OGDH: variants seen among roughly 807,000 people sequenced by gnomAD.
OGDH encodes the protein 2-oxoglutarate dehydrogenase complex component E1.
In OGDH, 38 loss-of-function variants were observed where a neutral mutation model predicts 116.6. The ratio of observed to expected loss-of-function variants is 0.33; its 90% CI spans 0.25 to 0.43. The LOEUF is 0.43. Among genes scored for constraint, OGDH ranks in the 20% least tolerant of loss-of-function variants. OGDH has a pLI of 1.00. For missense variants in OGDH, 825 were observed against 1,357.2 expected (o/e 0.61, Z 6.16); for synonymous variants, 488 against 533.3 (o/e 0.92, Z 1.17).
At chr7:44,670,656 T>TTG (rs1231763552) in intron 5 of OGDH, among the ~76,000 whole-genome samples, 7 of 152,246 alleles carry the variant, frequency 4.6e-5, no homozygotes, top group Non-Finnish European at 7.3e-5. Flanking sequence ...CACCCTCTTC[T>TTG]TGTATTTTTT....
intron 8 of OGDH, 99 bp from the exon 9 acceptor site, chr7:44,675,871 C>T: frequency 8.0e-7 from 1 of 1,255,060 alleles, no homozygotes; most frequent in South Asian, 1.4e-5. Flanking sequence ...GAGCGAAACT[C>T]CATCTCAAAA....
chr7:44,644,798 C>T (rs1786096068), intron 2 of OGDH, among the ~76,000 whole-genome samples: 1 of 152,184 alleles, frequency 6.6e-6, no homozygotes, highest in Non-Finnish European at 1.5e-5. Flanking sequence ...GCAAGGTGAC[C>T]CTGGGCTCTT....
intron 5 of OGDH, among the ~76,000 whole-genome samples, chr7:44,668,366 C>A (rs1033324262): frequency 6.6e-6 from 1 of 152,034 alleles, no homozygotes; most frequent in African/African-American, 2.4e-5. Context: ...AACCTGGGAG[C>A]GGGAGGTTGC....
At chr7:44,668,691 C>T (rs1787293518) in intron 5 of OGDH, among the ~76,000 whole-genome samples, 1 of 152,172 alleles carries the variant, frequency 6.6e-6, no homozygotes, top group African/African-American at 2.4e-5. Flanking sequence ...CTTCCTGTCA[C>T]CTTTATCTGC....
intron 10 of OGDH, among the ~76,000 whole-genome samples, chr7:44,693,133 C>T (rs1788432595): frequency 6.6e-6 from 1 of 152,060 alleles, no homozygotes; most frequent in Non-Finnish European, 1.5e-5. Flanking sequence ...ATAGTGAAAC[C>T]CCGTCTCTAC....
rs536486370 is a variant in OGDH at position 44,676,838 on chromosome 7, T to C, written c.1206+689T>C. Among the ~76,000 whole-genome samples, 7 of 152,176 alleles carry C rather than the reference T, an allele frequency of 4.6e-5. No homozygotes were observed. In the South Asian group the frequency reaches 1.2e-3, roughly 27 times the overall value. ...AAGGAGGGGAGTCTGAGAGTCTCTG[T>C]AAGGAAAAAGTGTAGGTGAGCCTGA... On this transcript the variant is annotated intron_variant, in intron 9 of 22. Transcript: ENST00000222673.
rs369004353 is a variant in OGDH, at chr7:44,688,397, G to A, written c.1336-5428G>A. 8.3e-4 allele frequency among the ~76,000 whole-genome samples: 125 copies of A among 150,702 alleles called. 1 individual carries two copies. In the South Asian group the frequency reaches 0.018, roughly 21 times the overall value. On this transcript the variant is annotated intron_variant, in intron 10 of 22. Transcript: ENST00000222673. ...AAAAATAAAGAAATAAAATAATGCT[G>A]CTGTGAACATTTATGTACAAGTGTT...
intron 18 of OGDH, 109 bp downstream of exon 18, chr7:44,698,372 C>A: frequency 1.7e-6 from 2 of 1,147,788 alleles, no homozygotes; most frequent in Non-Finnish European, 1.3e-6. Context: ...GTGCCTCTGT[C>A]CCTTTCTCCA....
chr7:44,655,006 TTG>T (rs1447769880), intron 4 of OGDH, among the ~76,000 whole-genome samples: 2 of 152,244 alleles, frequency 1.3e-5, no homozygotes, highest in Non-Finnish European at 2.9e-5. Context: ...CTTCTTTGGT[TTG>T]TGTCTTTTGT....
At chr7:44,663,792 T>C (rs1328084288) in intron 4 of OGDH, among the ~76,000 whole-genome samples, 1 of 151,874 alleles carries the variant, frequency 6.6e-6, no homozygotes, top group Admixed American at 6.6e-5. Context: ...TTACAAAAAC[T>C]AGCTGGACGT....
chr7:44,642,946 T>C, intron 2 of OGDH, among the ~76,000 whole-genome samples: 1 of 149,386 alleles, frequency 6.7e-6, no homozygotes, highest in Non-Finnish European at 1.5e-5. Context: ...TTTTTAAATA[T>C]AATTCACATA....
At chr7:44,702,458 C>A (rs750692937) in intron 20 of OGDH, among the ~76,000 whole-genome samples, 7 of 151,838 alleles carry the variant, frequency 4.6e-5, no homozygotes, top group Non-Finnish European at 8.8e-5. Context: ...GCCTTTACCA[C>A]CCACCAGGGG....
At chr7:44,702,616 G>A (rs148790550) in intron 20 of OGDH, among the ~76,000 whole-genome samples, 28 of 151,064 alleles carry the variant, frequency 1.9e-4, no homozygotes, top group Non-Finnish European at 2.8e-4. Context: ...TTTTTGAGAC[G>A]GAGTCTCGCT....
chr7:44,677,263 G>A (rs2116189772), intron 9 of OGDH, among the ~76,000 whole-genome samples: 1 of 152,254 alleles, frequency 6.6e-6, no homozygotes, highest in East Asian at 1.9e-4. Flanking sequence ...TAGAAAAAAG[G>A]TCGTGTGTAA....
Position 44,697,045 on chromosome 7 carries a change from G to A in OGDH, c.2032G>A (p.Val678Met), listed in dbSNP as rs139641350. The change falls in exon 15 of 23, where the codon GTG becomes ATG. Residue 678 changes from valine to methionine, a missense_variant. Physicochemically the swap from Val to Met is conservative, Grantham distance 21. This residue lies in a region of OGDH where 73 missense variants were observed against 182.3 expected (regional missense o/e 0.40). Transcript: ENST00000222673. This position sits in a 1 kb window ranked among gnomAD's most constrained non-coding sequence, Gnocchi z 6.0. ...CCACATTCGGCTGAGCGGCCAGGAC[G>A]TGGAGCGGGGCACATTCAGGTAACG... ...GIHIRLSGQD[V>M]ERGTFSHRHH... is the part of the protein sequence containing the mutation. The A allele has an allele frequency of 2.5e-6, 4 of 1,613,964 alleles. No individual in the cohort carries two copies. Among genetic ancestry groups the A allele is most frequent in the Non-Finnish European group, 3.4e-6 (4 of 1,179,912 alleles).
chr7:44,632,894 T>C (rs1333223414), intron 2 of OGDH, among the ~76,000 whole-genome samples: 1 of 151,886 alleles, frequency 6.6e-6, no homozygotes, highest in Non-Finnish European at 1.5e-5. Context: ...TATCCTTTTG[T>C]ACTGTACTTT....
chr7:44,684,994 G>A (rs947303479), intron 10 of OGDH, among the ~76,000 whole-genome samples: 8 of 151,988 alleles, frequency 5.3e-5, no homozygotes, highest in East Asian at 1.9e-4. Flanking sequence ...CACCATATTG[G>A]TCAGGGTGGT....
intron 2 of OGDH, among the ~76,000 whole-genome samples, chr7:44,632,605 TG>T (rs1785488979): frequency 6.8e-6 from 1 of 147,546 alleles, no homozygotes; most frequent in Non-Finnish European, 1.5e-5. Flanking sequence ...GCCTGGTGGA[TG>T]TTTTTTGTTG....
intron 20 of OGDH, among the ~76,000 whole-genome samples, chr7:44,703,137 C>T (rs1788913466): frequency 6.6e-6 from 1 of 152,040 alleles, no homozygotes; most frequent in African/African-American, 2.4e-5. Flanking sequence ...ACTGAATAGC[C>T]AGGCATGGTG....
Sources: allele counts gnomAD v4.1 joint callset (sites outside exome capture counted in the v4.1 genomes callset), GRCh38; gene constraint gnomAD v4.1.1; regional missense constraint gnomAD v4.1.1; non-coding constraint Gnocchi (gnomAD v3.1); transcripts MANE v1.5; gene names NCBI Gene and HGNC (gene_info 2026-07-23, HGNC 2026-07-21).